The following RGS7 variants were observed in gnomAD, a reference collection of about 807,000 sequenced individuals.
RGS7 encodes regulator of G-protein signaling 7.
A neutral mutation model predicts 81.1 loss-of-function variants in RGS7; 27 were observed. That is an observed-to-expected ratio of 0.33 (90% confidence interval 0.25 to 0.46). The LOEUF (loss-of-function observed/expected upper bound fraction) is 0.46, where lower values mean the gene tolerates loss of function less well. Among genes scored for constraint, RGS7 ranks in the 20% least tolerant of loss-of-function variants. The pLI, the probability that RGS7 is intolerant of heterozygous loss-of-function variation, is 1.00. For synonymous variants in RGS7, 208 were observed against 207.7 expected, an observed-to-expected ratio of 1.00 and a Z score of -0.01; for missense variants, 396 against 607.4, an observed-to-expected ratio of 0.65 and a Z score of 3.66.
At chr1:240,889,971 ATC>A (rs1668019263) in intron 6 of RGS7, among the ~76,000 whole-genome samples, 1 of 152,162 alleles carries the variant, frequency 6.6e-6, no homozygotes, top group Non-Finnish European at 1.5e-5. Context: ...GTGTACAATT[ATC>A]TCTCAGAGTT....
chr1:241,250,865 C>T (rs1328802135), intron 2 of RGS7, among the ~76,000 whole-genome samples: 2 of 152,210 alleles, frequency 1.3e-5, no homozygotes, highest in East Asian at 3.8e-4. Flanking sequence ...GAAGCCCCTC[C>T]GAATAGTGAG....
At chr1:241,340,990 C>G (rs1162465226) in intron 2 of RGS7, among the ~76,000 whole-genome samples, 2 of 152,184 alleles carry the variant, frequency 1.3e-5, no homozygotes, top group Admixed American at 1.3e-4. Context: ...GAGGCACCAT[C>G]TAGGCAGCAT....
At chr1:241,018,536 CT>C (rs1307258826) in intron 3 of RGS7, among the ~76,000 whole-genome samples, 1 of 151,182 alleles carries the variant, frequency 6.6e-6, no homozygotes, top group Non-Finnish European at 1.5e-5. Context: ...TGTCTTTTTT[CT>C]TGATTTGGGG....
At chr1:241,333,217 C>A (rs1001733392) in intron 2 of RGS7, among the ~76,000 whole-genome samples, 1 of 152,216 alleles carries the variant, frequency 6.6e-6, no homozygotes, top group Admixed American at 6.5e-5. Flanking sequence ...TTCTCTACCA[C>A]TTTCCTCTCA....
chr1:241,153,168 A>C (rs770403796), intron 2 of RGS7, among the ~76,000 whole-genome samples: 12 of 152,226 alleles, frequency 7.9e-5, no homozygotes, highest in South Asian at 2.1e-4. Context: ...GATTTTGTTC[A>C]TTTTGTAAGA....
intron 2 of RGS7, among the ~76,000 whole-genome samples, chr1:241,141,463 A>T (rs2067916170): frequency 6.6e-6 from 1 of 152,216 alleles, no homozygotes; most frequent in Non-Finnish European, 1.5e-5. Context: ...TAAAGGAAAG[A>T]GGTTTAATTG....
At chr1:240,827,026 T>C (rs908034296) in intron 10 of RGS7, 72 bp downstream of exon 10, 8 of 1,196,164 alleles carry the variant, frequency 6.7e-6, no homozygotes, top group Non-Finnish European at 7.5e-6. Flanking sequence ...GAGAAGAAAG[T>C]GTTTTTATGG....
rs529282072 is a variant in RGS7, at chr1:240,852,200, C to A, written c.609+16387G>T. Among the ~76,000 whole-genome samples, 75 of 152,152 alleles carry A rather than the reference C, an allele frequency of 4.9e-4. 1 individual carries two copies. Among genetic ancestry groups the A allele is most frequent in the Non-Finnish European group, 1.3e-4 (9 of 68,032 alleles). On this transcript the variant is annotated intron_variant, in intron 9 of 18. Coordinates refer to ENST00000440928, the MANE Select transcript of RGS7 (RefSeq NM_001364886.1). The stretch of plus-strand genomic sequence containing the variant: ...AGCTTCTCCAACCTTTAGCAACCAC[C>A]GCCCAGATCAGTCAGCAGCTATCAG...
chr1:241,242,220 A>G (rs2815833), intron 2 of RGS7, among the ~76,000 whole-genome samples: 103,505 of 151,588 alleles, frequency 0.68, 35,449 homozygotes, highest in African/African-American at 0.73. Flanking sequence ...TCCATCCCTC[A>G]GTTACTTTAT....
At chr1:241,009,784 G>A (rs2058860786) in intron 3 of RGS7, among the ~76,000 whole-genome samples, 1 of 152,098 alleles carries the variant, frequency 6.6e-6, no homozygotes, top group Non-Finnish European at 1.5e-5. Flanking sequence ...CAACAATGAG[G>A]GACAAACTAG....
chr1:241,145,156 A>G (rs2068221406), intron 2 of RGS7, among the ~76,000 whole-genome samples: 1 of 151,848 alleles, frequency 6.6e-6, no homozygotes, highest in East Asian at 1.9e-4. Flanking sequence ...GGCTGGGATT[A>G]CAGGTGCCTG....
intron 9 of RGS7, among the ~76,000 whole-genome samples, chr1:240,855,379 C>G (rs1236589140): frequency 7.2e-6 from 1 of 138,704 alleles, no homozygotes; most frequent in Non-Finnish European, 1.5e-5. Flanking sequence ...TATCCAATTT[C>G]TTATATTTAG....
chr1:241,218,028 T>A (rs1367425853), intron 2 of RGS7, among the ~76,000 whole-genome samples: 1 of 152,180 alleles, frequency 6.6e-6, no homozygotes, highest in East Asian at 1.9e-4. Flanking sequence ...CATAAATAGA[T>A]ATATTTGTGT....
At chr1:241,006,321 G>A (rs952379939) in intron 3 of RGS7, among the ~76,000 whole-genome samples, 1 of 152,124 alleles carries the variant, frequency 6.6e-6, no homozygotes, top group African/African-American at 2.4e-5. Flanking sequence ...GGACTTTGAG[G>A]AAAAGGTTTC....
At chr1:240,896,120 T>A (rs182828345) in intron 6 of RGS7, among the ~76,000 whole-genome samples, 9 of 152,338 alleles carry the variant, frequency 5.9e-5, no homozygotes, top group African/African-American at 2.2e-4. Flanking sequence ...CTTTGCCCAC[T>A]TTTTGATGGG....
At chr1:240,801,125 G>T (rs1687955020) in intron 17 of RGS7, among the ~76,000 whole-genome samples, 1 of 151,820 alleles carries the variant, frequency 6.6e-6, no homozygotes. Context: ...AGAAATACAT[G>T]CACTATCTTT....
chr1:240,898,945 T>C (rs1307078752), intron 6 of RGS7, among the ~76,000 whole-genome samples: 1 of 152,206 alleles, frequency 6.6e-6, no homozygotes, highest in East Asian at 1.9e-4. Context: ...TCTAAGGACT[T>C]GCTTTATGAA....
chr1:240,998,881 T>C, intron 3 of RGS7: 1 of 429,460 alleles, frequency 2.3e-6, no homozygotes, highest in South Asian at 2.0e-5. Flanking sequence ...TTCAAGCACT[T>C]TTTTAGTCCC....
intron 2 of RGS7, among the ~76,000 whole-genome samples, chr1:241,142,511 C>CTG (rs1242572495): frequency 6.6e-6 from 1 of 152,170 alleles, no homozygotes; most frequent in Non-Finnish European, 1.5e-5. Context: ...GTGGAAGCTG[C>CTG]CAAAGGTTGA....
Sources: allele counts gnomAD v4.1 joint callset (sites outside exome capture counted in the v4.1 genomes callset), GRCh38; gene constraint gnomAD v4.1.1; transcripts MANE v1.5; gene names NCBI Gene and HGNC (gene_info 2026-07-23, HGNC 2026-07-21).